Variants in PLTP observed in about 807,000 individuals in gnomAD.
PLTP encodes phospholipid transfer protein, also known as BPI fold containing family E.
PLTP carries 43 observed loss-of-function variants against 54.1 expected under a neutral mutation model. The ratio of observed to expected loss-of-function variants is 0.79; its 90% confidence interval spans 0.62 to 1.02. The LOEUF (loss-of-function observed/expected upper bound fraction) is 1.02, where lower values mean the gene tolerates loss of function less well. PLTP is among the 50% of genes least tolerant of loss of function. PLTP has a pLI of 0.00. For synonymous variants in PLTP, 263 were observed against 264.6 expected (o/e 0.99, Z 0.06); for missense variants, 604 against 645.9 (o/e 0.94, Z 0.70).
At chr20:45,901,578 A>G (rs1337223476) in intron 12 of PLTP, among the ~76,000 whole-genome samples, 2 of 151,918 alleles carry the variant, frequency 1.3e-5, no homozygotes, top group Non-Finnish European at 2.9e-5. Context: ...TGGGCAACAG[A>G]GTGAGACTCT....
chr20:45,899,421 G>C, intron 15 of PLTP, 41 bp downstream of exon 15: 1 of 1,599,864 alleles, frequency 6.3e-7, no homozygotes, highest in Non-Finnish European at 8.6e-7. Context: ...TATAGAGAGA[G>C]GGGAAGGCCC....
At chr20:45,899,265 T>C (rs1313565740) in intron 15 of PLTP, among the ~76,000 whole-genome samples, 197 bp downstream of exon 15, 1 of 152,130 alleles carries the variant, frequency 6.6e-6, no homozygotes, top group Non-Finnish European at 1.5e-5. Context: ...AGCTAAGACC[T>C]GAACAATTAG....
At chr20:45,904,201 C>T (rs2083215074) in intron 10 of PLTP, among the ~76,000 whole-genome samples, 1 of 152,196 alleles carries the variant, frequency 6.6e-6, no homozygotes, top group Non-Finnish European at 1.5e-5. Flanking sequence ...CGGTGGCTCA[C>T]ACCTGTAATC....
Position 45,910,940 on chromosome 20 carries a change from TC to T in PLTP, c.200+211del. ...TTCCTTCTTGGCCCCCTCTACATTTTCAAGGCCACGCCCATCTGCCTGGTCC... is the reference window on the plus strand; with the variant it reads ...TTCCTTCTTGGCCCCCTCTACATTTTAAGGCCACGCCCATCTGCCTGGTCC... On this transcript the variant is annotated intron_variant, in intron 3 of 15. Coordinates refer to ENST00000372431, the MANE Select transcript of PLTP (RefSeq NM_006227.4). 2.1e-6 allele frequency: 3 copies of T among 1,437,830 alleles called. No homozygotes were observed. The South Asian group carries it at 4.4e-5, about 21-fold the overall frequency. 89.1% of individuals were successfully genotyped at this position (1,437,830 alleles called of 1,614,324 possible).
intron 12 of PLTP, among the ~76,000 whole-genome samples, chr20:45,900,498 G>A (rs557852774): frequency 1.3e-5 from 2 of 152,028 alleles, no homozygotes; most frequent in Admixed American, 1.3e-4. Context: ...CTTAGTTCCT[G>A]TCAGACACTA....
intron 1 of PLTP, 189 bp from the exon 2 acceptor site, chr20:45,911,652 G>T: frequency 2.7e-6 from 2 of 733,512 alleles, no homozygotes; most frequent in Non-Finnish European, 4.4e-6. Flanking sequence ...TGCGACTTGC[G>T]TTCTGGCTCC....
chr20:45,904,745 T>A, intron 10 of PLTP, 55 bp downstream of exon 10: 1 of 1,574,372 alleles, frequency 6.4e-7, no homozygotes, highest in Non-Finnish European at 8.7e-7. Flanking sequence ...CCTGCACCCC[T>A]CCTTGGTCTC....
chr20:45,911,844 G>A (rs2083297198), intron 1 of PLTP: 1 of 333,918 alleles, frequency 3.0e-6, no homozygotes, highest in African/African-American at 2.1e-5. Flanking sequence ...ATTCTTGGAG[G>A]GTGGCTTGCG....
chr20:45,907,332 CAA>C (rs201245712), intron 7 of PLTP, among the ~76,000 whole-genome samples: 19,079 of 99,418 alleles, frequency 0.19, 1,365 homozygotes, highest in Non-Finnish European at 0.27. Flanking sequence ...AGACTCCGTG[CAA>C]AAAAAAAAAA....
At chr20:45,900,422 A>T (rs950875864) in intron 12 of PLTP, among the ~76,000 whole-genome samples, 2 of 151,788 alleles carry the variant, frequency 1.3e-5, no homozygotes, top group African/African-American at 4.8e-5. Flanking sequence ...AGCACTTCTA[A>T]TGTGCCAGAC....
In PLTP at chr20:45,911,142, C is replaced by T. The variant is rs988738722; in HGVS notation, c.200+10G>A. ...CCGCCCCGGATCGCGAGGCCCCGCC[C>T]CCCACTTACTCAGAGATGTTGTAGT... On this transcript the variant is annotated intron_variant, in intron 3 of 15. Coordinates refer to ENST00000372431, the MANE Select transcript of PLTP (RefSeq NM_006227.4). The T allele has an allele frequency of 6.2e-7, 1 of 1,613,088 alleles. No individual in the cohort carries two copies. Among genetic ancestry groups the T allele is most frequent in the Non-Finnish European group, 8.5e-7 (1 of 1,179,182 alleles).
chr20:45,910,217 A>C (rs2083277580), intron 3 of PLTP, 147 bp from the exon 4 acceptor site: 1 of 874,168 alleles, frequency 1.1e-6, no homozygotes, highest in Non-Finnish European at 1.8e-6. Context: ...CAAGTGCCCA[A>C]CTTAGACTTG....
Position 45,911,398 on chromosome 20 carries a change from A to G in PLTP, c.55T>C (p.Phe19Leu), listed in dbSNP as rs151157782. ...LALLAGAHAE[F>L]PGCKIRVTSK... The stretch of plus-strand genomic sequence containing the variant: ...GTGACGCGGATCTTGCAGCCTGGGA[A>G]CTCTGCATGTGCGCCTGCCAGCAGC... The change falls in exon 2 of 16, where the codon TTC (phenylalanine) becomes CTC (leucine). Residue 19 changes from phenylalanine to leucine, a missense_variant. Transcript: ENST00000372431. 1,416 of 1,609,898 alleles carry G rather than the reference A, an allele frequency of 8.8e-4. No individual in the cohort carries two copies. Among genetic ancestry groups the G allele is most frequent in the Middle Eastern group, 6.6e-3 (40 of 6,060 alleles).
At chr20:45,900,094 ACC>A (rs2083167292) in intron 12 of PLTP, among the ~76,000 whole-genome samples, 1 of 82,034 alleles carries the variant, frequency 1.2e-5, no homozygotes, top group African/African-American at 4.7e-5. Flanking sequence ...TTTATTGAGC[ACC>A]TCTTTTTTTT....
At chr20:45,900,530 T>A (rs2083174886) in intron 12 of PLTP, among the ~76,000 whole-genome samples, 1 of 152,088 alleles carries the variant, frequency 6.6e-6, no homozygotes, top group Admixed American at 6.6e-5. Flanking sequence ...TTTCTTTTTT[T>A]ATTTTTATTT....
chr20:45,910,219 T>G lies in PLTP; in HGVS notation c.201-149A>C, dbSNP rs2083277602. 3 of 868,634 alleles carry G rather than the reference T, an allele frequency of 3.5e-6. No individual in the cohort carries two copies. The East Asian group carries it at 8.3e-5, about 24-fold the overall frequency. 53.8% of individuals were successfully genotyped at this position (868,634 alleles called of 1,614,324 possible). A position where few individuals can be genotyped will look rare whatever the true frequency, so the allele number is the denominator to read the frequency against. On this transcript the variant is annotated intron_variant, in intron 3 of 15. Coordinates refer to ENST00000372431, the MANE Select transcript of PLTP (RefSeq NM_006227.4). ...TTCCATTGTCCCTCAAGTGCCCAAC[T>G]TAGACTTGGGTGGCTCAAAGTTGAA...
Position 45,899,620 on chromosome 20 carries a change from A to G in PLTP, c.1282+2T>C. 6.2e-7 allele frequency: 1 copy of G among 1,613,764 alleles called. No homozygotes were observed. The highest frequency in any genetic ancestry group is 8.5e-7 in the Non-Finnish European group (1 of 1,179,928). Reference sequence around the variant, plus strand: ...TCCTCCATCCTCACACCCCAGCCTTACCATTGAGCATGGGCATCACCCCAA... The same window carrying G: ...TCCTCCATCCTCACACCCCAGCCTTGCCATTGAGCATGGGCATCACCCCAA... On this transcript the variant is annotated splice_donor_variant, in intron 14 of 15. Coordinates refer to ENST00000372431, the MANE Select transcript of PLTP (RefSeq NM_006227.4). LOFTEE classifies it high-confidence loss of function.
In PLTP at chr20:45,910,063, C is replaced by A. The variant is rs201557719; in HGVS notation, c.208G>T (p.Val70Phe). The change falls in exon 4 of 16, where the codon GTC becomes TTC. Residue 70 changes from valine to phenylalanine, a missense_variant. Coordinates refer to ENST00000372431, the MANE Select transcript of PLTP (RefSeq NM_006227.4). ...HFYYNISEVKVTELQLTSSEL... is the reference protein window; with the variant it reads ...HFYYNISEVKFTELQLTSSEL... ...GAAGATGTCAGTTGCAGCTCTGTGACCTTCACCCTACAGGAGGCCTCAGGG... is the reference window on the plus strand; with the variant it reads ...GAAGATGTCAGTTGCAGCTCTGTGAACTTCACCCTACAGGAGGCCTCAGGG... 7.9e-5 allele frequency: 128 copies of A among 1,613,872 alleles called. No homozygotes were observed. The highest frequency in any genetic ancestry group is 2.3e-5 in the Non-Finnish European group (27 of 1,179,946).
intron 5 of PLTP, 92 bp from the exon 6 acceptor site, chr20:45,907,996 G>T: frequency 8.9e-7 from 1 of 1,129,008 alleles, no homozygotes; most frequent in Non-Finnish European, 1.3e-6. Flanking sequence ...AATAGTGGCA[G>T]TAGGAGTCCT....
Sources: gnomAD v4.1 joint callset for allele counts (sites outside exome capture counted in the v4.1 genomes callset) on GRCh38, gnomAD v4.1.1 for gene constraint, MANE v1.5 for transcripts, NCBI Gene and HGNC (gene_info 2026-07-23, HGNC 2026-07-21) for gene names.